The following ECD variants were observed in gnomAD, a reference collection of about 807,000 sequenced individuals.
ECD encodes the protein ecdysoneless cell cycle regulator, also known as protein ecdysoneless homolog.
Under a neutral mutation model 77.2 loss-of-function variants are expected in ECD, and 59 were observed. The observed-to-expected ratio is 0.76, with a 90% CI of 0.62 to 0.95. The LOEUF is 0.95. Among genes scored for constraint, ECD ranks in the 40% least tolerant of loss-of-function variants. ECD has a pLI of 0.00. For missense variants in ECD, 704 were observed against 763.4 expected (o/e 0.92, Z 0.92); for synonymous variants, 233 against 267.4 (o/e 0.87, Z 1.26).
chr10:73,141,744 G>A (rs1380801171), intron 9 of ECD, among the ~76,000 whole-genome samples: 3 of 151,978 alleles, frequency 2.0e-5, no homozygotes, highest in Non-Finnish European at 4.4e-5. Context: ...TCCTAGTAAC[G>A]TTTACATATT....
At chr10:73,166,759 G>C (rs528717111) in intron 1 of ECD, among the ~76,000 whole-genome samples, 2 of 152,168 alleles carry the variant, frequency 1.3e-5, no homozygotes, top group South Asian at 4.1e-4. Flanking sequence ...CCATTCTGTG[G>C]GTTCTCTCTC....
intron 4 of ECD, 23 bp from the exon 5 acceptor site, chr10:73,156,476 T>G: frequency 6.2e-7 from 1 of 1,608,960 alleles, no homozygotes; most frequent in Non-Finnish European, 8.5e-7. Flanking sequence ...CATTTCAATT[T>G]TCACAGTGGG....
At chr10:73,148,218 C>G in intron 8 of ECD, 58 bp downstream of exon 8, 2 of 1,591,118 alleles carry the variant, frequency 1.3e-6, no homozygotes, top group Non-Finnish European at 1.7e-6. Context: ...GACTTTAAGT[C>G]GCTGGCTTGA....
intron 9 of ECD, among the ~76,000 whole-genome samples, chr10:73,144,065 C>T (rs1843093703): frequency 6.6e-6 from 1 of 151,966 alleles, no homozygotes. Flanking sequence ...GCAAGCCAGT[C>T]CCTCACAATA....
At chr10:73,139,849 G>GT (rs79373628) in intron 9 of ECD, 112 bp from the exon 10 acceptor site, 22,136 of 434,796 alleles carry the variant, frequency 0.051, 547 homozygotes, top group African/African-American at 0.16. Context: ...TTTGGGGAGT[G>GT]TTTTTTTTTT....
At chr10:73,146,763 C>G (rs1359264247) in intron 8 of ECD, among the ~76,000 whole-genome samples, 1 of 143,890 alleles carries the variant, frequency 6.9e-6, no homozygotes. Flanking sequence ...ATGGTGAGAC[C>G]CTGCCTCTAT....
At chr10:73,167,417 T>G (rs1048884968) in intron 1 of ECD, among the ~76,000 whole-genome samples, 2 of 152,068 alleles carry the variant, frequency 1.3e-5, no homozygotes, top group African/African-American at 2.4e-5. Flanking sequence ...TTTCTAAGGG[T>G]TTTCCTAAAT....
intron 5 of ECD, among the ~76,000 whole-genome samples, chr10:73,155,359 C>A (rs1324471649): frequency 1.3e-5 from 2 of 152,052 alleles, no homozygotes; most frequent in Non-Finnish European, 2.9e-5. Context: ...AGCCACCGCG[C>A]CCGGCCAAAA....
In ECD at chr10:73,139,548, T is replaced by C. The variant is rs1051735819; in HGVS notation, c.1235-53A>G. ...CATTCTACATTCACATAAGTCCTCT[T>C]AGGAGAGGATCCTGTGAGACTGAGT... On this transcript the variant is annotated intron_variant, in intron 10 of 13. Coordinates refer to ENST00000372979, the MANE Select transcript of ECD (RefSeq NM_007265.3). The C allele has an allele frequency of 1.9e-6, 3 of 1,596,650 alleles. No individual in the cohort carries two copies. The African/African-American group carries it at 4.1e-5, about 22-fold the overall frequency.
intron 1 of ECD, among the ~76,000 whole-genome samples, chr10:73,165,493 A>T (rs1238933441): frequency 1.3e-5 from 2 of 151,908 alleles, no homozygotes; most frequent in Non-Finnish European, 1.5e-5. Flanking sequence ...CTGGGACTAT[A>T]GGCGCACGCC....
In ECD at chr10:73,148,331, G is replaced by A. The variant is rs139937454; in HGVS notation, c.986C>T (p.Ala329Val). Residue 329 changes from alanine (A) to valine (V), a missense_variant, in exon 8 of 14, where the codon GCC becomes GTC. Transcript: ENST00000372979. ...FSDCKKSLVT[A>V]SPLWASFLES... The stretch of plus-strand genomic sequence containing the variant: ...AAGGAAACTGGCCCAGAGTGGTGAG[G>A]CAGTCACAAGGGATTTCTTGCAGTC... 255 of 1,613,792 alleles carry A rather than the reference G, an allele frequency of 1.6e-4. No homozygotes were observed. The highest frequency in any genetic ancestry group is 2.1e-4 in the Non-Finnish European group (243 of 1,179,888).
At chr10:73,139,573 T>C in intron 10 of ECD, 58 bp downstream of exon 10, 1 of 1,585,650 alleles carries the variant, frequency 6.3e-7, no homozygotes. Flanking sequence ...TGAGACTGAG[T>C]AGAACATTTT....
At chr10:73,144,071 C>T (rs368584203) in intron 9 of ECD, among the ~76,000 whole-genome samples, 4 of 151,928 alleles carry the variant, frequency 2.6e-5, no homozygotes, top group African/African-American at 9.7e-5. Context: ...CAGTCCCTCA[C>T]AATAAATTAT....
At chr10:73,163,104 C>A (rs951248038) in intron 2 of ECD, among the ~76,000 whole-genome samples, 8 of 152,104 alleles carry the variant, frequency 5.3e-5, no homozygotes, top group Non-Finnish European at 1.0e-4. Context: ...TAGACCTGTC[C>A]GAGTCATTCT....
intron 11 of ECD, among the ~76,000 whole-genome samples, chr10:73,138,685 G>C (rs562163486): frequency 1.3e-5 from 2 of 152,088 alleles, no homozygotes; most frequent in Admixed American, 6.6e-5. Flanking sequence ...TCCTGCCTCA[G>C]CCTTTCAAGT....
At position 73,138,058 on chromosome 10, in the gene ECD, C is replaced by A; in HGVS notation, c.1434G>T (p.Glu478Asp). 6.3e-7 allele frequency: 1 copy of A among 1,593,214 alleles called. No individual in the cohort carries two copies. The highest frequency in any genetic ancestry group is 8.5e-7 in the Non-Finnish European group (1 of 1,172,772). Reference sequence around the variant, plus strand: ...AATCTGCATCAAAAGTGATTGGAGCCTCAGAAGGTTCTCTGCAATATTAAA... The same window carrying A: ...AATCTGCATCAAAAGTGATTGGAGCATCAGAAGGTTCTCTGCAATATTAAA... Reference protein sequence around the residue: ...KGAELPREPSEAPITFDADSF... With the variant: ...KGAELPREPSDAPITFDADSF... The change falls in exon 12 of 14, where the codon GAG becomes GAT. Residue 478 changes from glutamate (E) to aspartate (D), a missense_variant. Glu to Asp is a conservative substitution (Grantham distance 45). Coordinates refer to ENST00000372979, the MANE Select transcript of ECD (RefSeq NM_007265.3).
intron 5 of ECD, among the ~76,000 whole-genome samples, chr10:73,155,570 T>C (rs1185050201): frequency 1.3e-5 from 2 of 151,238 alleles, no homozygotes; most frequent in African/African-American, 2.4e-5. Flanking sequence ...CTGAGCACCT[T>C]GTTTGTGCTC....
intron 8 of ECD, 105 bp from the exon 9 acceptor site, chr10:73,146,466 G>A (rs1843130255): frequency 1.7e-6 from 1 of 594,016 alleles, no homozygotes; most frequent in Non-Finnish European, 2.8e-6. Flanking sequence ...CTACTACTCA[G>A]GAATCACGTG....
intron 8 of ECD, among the ~76,000 whole-genome samples, chr10:73,147,040 C>T (rs893300460): frequency 2.0e-5 from 3 of 152,072 alleles, no homozygotes; most frequent in African/African-American, 7.2e-5. Flanking sequence ...GAGTTTGAGA[C>T]CAGCCTGGGC....
Sources: gnomAD v4.1 joint callset for allele counts (sites outside exome capture counted in the v4.1 genomes callset) on GRCh38, gnomAD v4.1.1 for gene constraint, MANE v1.5 for transcripts, NCBI Gene and HGNC (gene_info 2026-07-23, HGNC 2026-07-21) for gene names.